Variants in ARHGAP18 observed in about 807,000 individuals in gnomAD.
ARHGAP18 encodes Rho GTPase activating protein 18.
Under a neutral mutation model 86.2 loss-of-function variants are expected in ARHGAP18, and 67 were observed. The ratio of observed to expected loss-of-function variants is 0.78; its 90% CI spans 0.64 to 0.95. The LOEUF (loss-of-function observed/expected upper bound fraction) is 0.95. ARHGAP18 is among the 40% of genes least tolerant of loss of function. The pLI is 0.00. For synonymous variants in ARHGAP18, 283 were observed against 280.4 expected (o/e 1.01, Z -0.09); for missense variants, 691 against 780.4 (o/e 0.89, Z 1.37).
chr6:129,623,140 T>G (rs1408812283), intron 5 of ARHGAP18, among the ~76,000 whole-genome samples: 2 of 152,076 alleles, frequency 1.3e-5, no homozygotes, highest in Non-Finnish European at 2.9e-5. Context: ...TTTGTAGGAT[T>G]TGCATGAGGG....
At chr6:129,612,549 G>C (rs1385665562) in intron 7 of ARHGAP18, among the ~76,000 whole-genome samples, 1 of 151,906 alleles carries the variant, frequency 6.6e-6, no homozygotes, top group Non-Finnish European at 1.5e-5. Flanking sequence ...AAATCTTCTA[G>C]AGTATCAAAA....
chr6:129,708,024 T>C (rs1042202606), intron 1 of ARHGAP18, among the ~76,000 whole-genome samples: 1 of 151,904 alleles, frequency 6.6e-6, no homozygotes, highest in Non-Finnish European at 1.5e-5. Context: ...CTTCAAATCC[T>C]CCTTCCTTCT....
chr6:129,686,361 T>A (rs1774423854), intron 1 of ARHGAP18, among the ~76,000 whole-genome samples: 1 of 152,144 alleles, frequency 6.6e-6, no homozygotes, highest in South Asian at 2.1e-4. Flanking sequence ...GCCATTCCCA[T>A]AAGACTCTCT....
intron 1 of ARHGAP18, among the ~76,000 whole-genome samples, chr6:129,677,262 G>A (rs1192253786): frequency 6.6e-6 from 1 of 151,994 alleles, no homozygotes; most frequent in Non-Finnish European, 1.5e-5. Context: ...GTGCGGTGGC[G>A]GACGCCTGTA....
At chr6:129,625,855 T>TAC (rs1316432901) in intron 5 of ARHGAP18, among the ~76,000 whole-genome samples, 838 of 61,514 alleles carry the variant, frequency 0.014, 116 homozygotes, top group Non-Finnish European at 0.022. Context: ...TTATATATTA[T>TAC]ATTTATATAT....
intron 5 of ARHGAP18, among the ~76,000 whole-genome samples, chr6:129,625,934 T>C (rs1277736659): frequency 1.0e-5 from 1 of 96,590 alleles, no homozygotes; most frequent in Non-Finnish European, 2.0e-5. Flanking sequence ...ATTTATATAT[T>C]ATATATTATA....
intron 1 of ARHGAP18, among the ~76,000 whole-genome samples, chr6:129,676,895 G>C: frequency 1.8e-5 from 2 of 112,196 alleles, no homozygotes; most frequent in East Asian, 3.0e-4. Context: ...TCTGAAAACA[G>C]ATGAAAAATT....
chr6:129,583,790 T>C (rs1038231624), intron 13 of ARHGAP18, among the ~76,000 whole-genome samples, 198 bp downstream of exon 13: 6 of 151,630 alleles, frequency 4.0e-5, no homozygotes, highest in Non-Finnish European at 7.4e-5. Flanking sequence ...CCACATCAAA[T>C]GAACTAAACT....
chr6:129,644,170 C>T (rs182756398), intron 1 of ARHGAP18, among the ~76,000 whole-genome samples: 5 of 152,116 alleles, frequency 3.3e-5, no homozygotes, highest in South Asian at 2.1e-4. Flanking sequence ...CTTAAGTCTC[C>T]ATTGTTCATT....
At chr6:129,603,221 C>T (rs1788784494) in intron 10 of ARHGAP18, among the ~76,000 whole-genome samples, 1 of 152,044 alleles carries the variant, frequency 6.6e-6, no homozygotes. Flanking sequence ...TTAGCTCCTA[C>T]TTATAAGTGA....
chr6:129,648,031 TA>T (rs1246828043), intron 1 of ARHGAP18, among the ~76,000 whole-genome samples: 1 of 152,242 alleles, frequency 6.6e-6, no homozygotes, highest in Non-Finnish European at 1.5e-5. Flanking sequence ...AAGGCAAAAG[TA>T]ATCTTGTTGA....
intron 1 of ARHGAP18, among the ~76,000 whole-genome samples, chr6:129,698,943 T>C (rs1008079198): frequency 6.6e-6 from 1 of 152,166 alleles, no homozygotes; most frequent in South Asian, 2.1e-4. Context: ...TCCACCCACC[T>C]TGGCATCCCA....
At chr6:129,700,493 T>C (rs1311983962) in intron 1 of ARHGAP18, among the ~76,000 whole-genome samples, 1 of 152,248 alleles carries the variant, frequency 6.6e-6, no homozygotes, top group Non-Finnish European at 1.5e-5. Flanking sequence ...GAGCTATTTA[T>C]ATAACTTATC....
At chr6:129,624,481 G>A (rs916196294) in intron 5 of ARHGAP18, among the ~76,000 whole-genome samples, 7 of 152,080 alleles carry the variant, frequency 4.6e-5, no homozygotes, top group African/African-American at 1.7e-4. Flanking sequence ...AGTGAGCCAA[G>A]ATGGTGCCTG....
intron 1 of ARHGAP18, among the ~76,000 whole-genome samples, chr6:129,647,554 T>C (rs1449882394): frequency 6.6e-6 from 1 of 152,202 alleles, no homozygotes; most frequent in East Asian, 1.9e-4. Flanking sequence ...TTCTTTCATG[T>C]TCCCTATCCC....
chr6:129,664,712 GT>G (rs1774008154), intron 1 of ARHGAP18, among the ~76,000 whole-genome samples: 1 of 152,216 alleles, frequency 6.6e-6, no homozygotes, highest in South Asian at 2.1e-4. Flanking sequence ...TGGGGATTTA[GT>G]AGTGAACAAA....
chr6:129,576,892 A>G lies in ARHGAP18; in HGVS notation c.*1621T>C, dbSNP rs902297749. Reference sequence around the variant, plus strand: ...CTAAACTGTATTTTGAAAATCCTGAAGAATAAAAATTTGTAAAAGGAAAAA... The same window carrying G: ...CTAAACTGTATTTTGAAAATCCTGAGGAATAAAAATTTGTAAAAGGAAAAA... On this transcript the variant is annotated 3_prime_UTR_variant, in exon 15 of 15. Transcript: ENST00000368149. 6.6e-6 allele frequency: 1 copy of G among 152,182 alleles called. No homozygotes were observed. Among genetic ancestry groups the G allele is most frequent in the African/African-American group, 2.4e-5 (1 of 41,458 alleles). 9.4% of individuals were successfully genotyped at this position (152,182 alleles called of 1,614,324 possible). A position where few individuals can be genotyped will look rare whatever the true frequency, so the allele number is the denominator to read the frequency against.
At chr6:129,613,251 A>G (rs1231267683) in intron 7 of ARHGAP18, among the ~76,000 whole-genome samples, 2 of 148,718 alleles carry the variant, frequency 1.3e-5, no homozygotes, top group Non-Finnish European at 3.0e-5. Flanking sequence ...AAAAAAAAAG[A>G]AAAGAAAAAA....
At chr6:129,623,343 TAATA>T (rs932570662) in intron 5 of ARHGAP18, among the ~76,000 whole-genome samples, 4 of 152,196 alleles carry the variant, frequency 2.6e-5, no homozygotes, top group East Asian at 3.8e-4. Context: ...AGAGGTCATC[TAATA>T]AATAATTACA....
Sources: gnomAD v4.1 joint callset for allele counts (sites outside exome capture counted in the v4.1 genomes callset) on GRCh38, gnomAD v4.1.1 for gene constraint, MANE v1.5 for transcripts, NCBI Gene and HGNC (gene_info 2026-07-23, HGNC 2026-07-21) for gene names.